Variants in DAPP1 observed in about 807,000 individuals in gnomAD.
DAPP1 encodes dual adapter for phosphotyrosine and 3-phosphotyrosine and 3-phosphoinositide.
Under a neutral mutation model 41.5 loss-of-function variants are expected in DAPP1, and 20 were observed. The ratio of observed to expected loss-of-function variants is 0.48; its 90% CI spans 0.34 to 0.70. The LOEUF is 0.70. DAPP1 is among the 30% of genes least tolerant of loss of function. The pLI is 0.01. For synonymous variants in DAPP1, 113 were observed against 116.2 expected, an observed-to-expected ratio of 0.97 and a Z score of 0.18; for missense variants, 233 against 333.4, an observed-to-expected ratio of 0.70 and a Z score of 2.35.
chr4:99,857,042 G>T (rs1441533936), intron 4 of DAPP1, among the ~76,000 whole-genome samples: 2 of 152,204 alleles, frequency 1.3e-5, no homozygotes. Context: ...TTGCTCATAA[G>T]ACATTTGGAA....
chr4:99,820,372 A>G (rs7697338), intron 1 of DAPP1, among the ~76,000 whole-genome samples: 35,563 of 152,000 alleles, frequency 0.23, 4,267 homozygotes, highest in African/African-American at 0.28. Flanking sequence ...TTACTATACT[A>G]TTTCTACATA....
intron 4 of DAPP1, among the ~76,000 whole-genome samples, chr4:99,856,564 C>T (rs1439122563): frequency 6.6e-6 from 1 of 152,138 alleles, no homozygotes; most frequent in Non-Finnish European, 1.5e-5. Flanking sequence ...AAGAGCAGCA[C>T]CTCCCAGCTG....
intron 2 of DAPP1, among the ~76,000 whole-genome samples, chr4:99,836,291 G>A (rs2110143687): frequency 6.6e-6 from 1 of 152,286 alleles, no homozygotes; most frequent in East Asian, 1.9e-4. Flanking sequence ...GCCAAATGCA[G>A]TCATTGTCCA....
At chr4:99,817,585 C>T (rs985286523) in intron 1 of DAPP1, among the ~76,000 whole-genome samples, 1 of 152,166 alleles carries the variant, frequency 6.6e-6, no homozygotes, top group African/African-American at 2.4e-5. Context: ...TTGAGCCTTT[C>T]AGTACCAACA....
intron 4 of DAPP1, among the ~76,000 whole-genome samples, chr4:99,855,542 G>A (rs533601181): frequency 5.9e-5 from 9 of 152,266 alleles, no homozygotes; most frequent in Non-Finnish European, 1.0e-4. Flanking sequence ...ATAGTGGTGA[G>A]TGATTGGTTG....
intron 1 of DAPP1, among the ~76,000 whole-genome samples, chr4:99,827,606 A>T (rs1326723667): frequency 1.3e-5 from 2 of 152,034 alleles, no homozygotes; most frequent in East Asian, 3.8e-4. Flanking sequence ...AAATGACCTA[A>T]TTGGAAGTTT....
intron 4 of DAPP1, among the ~76,000 whole-genome samples, chr4:99,853,932 G>A (rs757518897): frequency 1.4e-4 from 22 of 152,328 alleles, no homozygotes; most frequent in African/African-American, 3.1e-4. Flanking sequence ...ATGGAAAAGA[G>A]AAGTTTGCAT....
chr4:99,845,037 T>C (rs554665392), intron 3 of DAPP1, among the ~76,000 whole-genome samples: 1 of 152,332 alleles, frequency 6.6e-6, no homozygotes, highest in African/African-American at 2.4e-5. Context: ...AAAAAGCAGC[T>C]GAGGAAGGGA....
intron 1 of DAPP1, among the ~76,000 whole-genome samples, chr4:99,817,579 G>A (rs1223236038): frequency 6.6e-6 from 1 of 152,186 alleles, no homozygotes; most frequent in Non-Finnish European, 1.5e-5. Flanking sequence ...CCAACTTTGA[G>A]CCTTTCAGTA....
At chr4:99,866,458 G>T in intron 8 of DAPP1, 1 of 733,084 alleles carries the variant, frequency 1.4e-6, no homozygotes, top group South Asian at 1.4e-5. Context: ...GAGGAAAGCT[G>T]ACATACTTCT....
Position 99,833,798 on chromosome 4 carries a change from G to A in DAPP1, c.102-1825G>A, listed in dbSNP as rs976763360. ...TCTATTTGAGCAATAAGAAAGTCAT[G>A]CCACAGAGGGTAAATTGAAAGTTAC... On this transcript the variant is annotated intron_variant, in intron 1 of 8. Coordinates refer to ENST00000512369, the MANE Select transcript of DAPP1 (RefSeq NM_014395.3). Among the ~76,000 whole-genome samples, 7 of 152,356 alleles carry A rather than the reference G, an allele frequency of 4.6e-5. No homozygotes were observed. In the Middle Eastern group the frequency reaches 0.014, roughly 296 times the overall value.
chr4:99,831,007 A>G (rs780442396), intron 1 of DAPP1, among the ~76,000 whole-genome samples: 1 of 152,238 alleles, frequency 6.6e-6, no homozygotes, highest in Non-Finnish European at 1.5e-5. Flanking sequence ...AATTAGAAAA[A>G]TCTGATCAAG....
chr4:99,831,405 T>C (rs1179113082), intron 1 of DAPP1, among the ~76,000 whole-genome samples: 1 of 152,192 alleles, frequency 6.6e-6, no homozygotes, highest in Non-Finnish European at 1.5e-5. Flanking sequence ...GCACCCCGAC[T>C]CCCTGCCCTC....
chr4:99,836,268 C>A (rs7686565), intron 2 of DAPP1, among the ~76,000 whole-genome samples: 41,207 of 152,020 alleles, frequency 0.27, 5,933 homozygotes, highest in African/African-American at 0.37. Flanking sequence ...CCAGTCCCCA[C>A]CAGGTTCATA....
chr4:99,821,443 G>A (rs1169384303), intron 1 of DAPP1, among the ~76,000 whole-genome samples: 1 of 152,220 alleles, frequency 6.6e-6, no homozygotes, highest in Non-Finnish European at 1.5e-5. Context: ...TCAAAGGTAT[G>A]TATTCTAGTA....
intron 5 of DAPP1, 60 bp downstream of exon 5, chr4:99,861,685 C>T (rs1435296469): frequency 8.0e-6 from 12 of 1,508,362 alleles, no homozygotes; most frequent in Non-Finnish European, 1.1e-5. Flanking sequence ...GTCATGTAGA[C>T]TCAATTCTCA....
intron 3 of DAPP1, among the ~76,000 whole-genome samples, chr4:99,842,216 A>G (rs950373926): frequency 6.6e-6 from 1 of 152,254 alleles, no homozygotes; most frequent in Non-Finnish European, 1.5e-5. Context: ...TGATTGATGC[A>G]TTAGGGATTG....
intron 3 of DAPP1, among the ~76,000 whole-genome samples, chr4:99,847,707 C>T (rs1354833823): frequency 2.6e-5 from 4 of 152,210 alleles, no homozygotes; most frequent in Non-Finnish European, 4.4e-5. Flanking sequence ...GTCTGAATCT[C>T]AGTAACCCAG....
At chr4:99,861,478 T>A in intron 4 of DAPP1, 100 bp from the exon 5 acceptor site, 2 of 1,280,528 alleles carry the variant, frequency 1.6e-6, no homozygotes, top group Non-Finnish European at 2.2e-6. Context: ...AATTTAAAGA[T>A]CAAAAGCAAA....
Sources: allele counts gnomAD v4.1 joint callset (sites outside exome capture counted in the v4.1 genomes callset), GRCh38; gene constraint gnomAD v4.1.1; transcripts MANE v1.5; gene names NCBI Gene and HGNC (gene_info 2026-07-23, HGNC 2026-07-21).